ASAH2: variants seen among roughly 807,000 people sequenced by gnomAD.
ASAH2 encodes neutral ceramidase.
In ASAH2, 58 loss-of-function variants were observed where a neutral mutation model predicts 82.9. The ratio of observed to expected loss-of-function variants is 0.70; its 90% CI spans 0.57 to 0.87. The LOEUF (loss-of-function observed/expected upper bound fraction) is 0.87. ASAH2 is among the 40% of genes least tolerant of loss of function. The pLI, the probability that ASAH2 is intolerant of heterozygous loss-of-function variation, is 0.00. For missense variants in ASAH2, 779 were observed against 834.0 expected, an observed-to-expected ratio of 0.93 and a Z score of 0.81; for synonymous variants, 276 against 289.7, an observed-to-expected ratio of 0.95 and a Z score of 0.48.
chr10:50,201,867 T>C (rs1265348197), intron 16 of ASAH2, among the ~76,000 whole-genome samples: 1 of 152,120 alleles, frequency 6.6e-6, no homozygotes, highest in Non-Finnish European at 1.5e-5. Context: ...ATTGTGATTA[T>C]AAAATAGCAA....
chr10:50,206,871 A>G (rs1845313142), intron 12 of ASAH2, among the ~76,000 whole-genome samples: 2 of 151,904 alleles, frequency 1.3e-5, no homozygotes, highest in African/African-American at 4.8e-5. Flanking sequence ...ACCCAACAAT[A>G]ACAGAATATA....
intron 8 of ASAH2, among the ~76,000 whole-genome samples, chr10:50,216,207 A>T (rs1473355280): frequency 1.3e-5 from 2 of 152,060 alleles, no homozygotes; most frequent in Non-Finnish European, 2.9e-5. Context: ...CCTAAGGTAG[A>T]TGATGGGTTG....
chr10:50,250,022 T>C (rs947151877), intron 1 of ASAH2, among the ~76,000 whole-genome samples: 3 of 152,178 alleles, frequency 2.0e-5, no homozygotes, highest in African/African-American at 7.2e-5. Context: ...TATAAAAAAA[T>C]AGCATTCAGA....
At position 50,236,063 on chromosome 10, in the gene ASAH2, A is replaced by T. The variant is rs2133226460; in HGVS notation, c.512T>A (p.Val171Asp). Residue 171 changes from valine (V) to aspartate (D), a missense_variant and splice_region_variant, in exon 5 of 21, where the codon GTC (valine) becomes GAC (aspartate). By Grantham distance (152) the Val-to-Asp change is radical (BLOSUM62 -3). Transcript: ENST00000682911. ...GMVSQRLRLE[V>D]LNRLQSKYGS... ...ATATTTACTCTGCAGTCTGTTCAGG[A>T]CCTTCAAGAAAAAAAGTAATTGAAC... 1 of 1,612,962 alleles carries T rather than the reference A, an allele frequency of 6.2e-7. No individual in the cohort carries two copies. Among genetic ancestry groups the T allele is most frequent in the African/African-American group, 1.3e-5 (1 of 74,976 alleles).
intron 12 of ASAH2, among the ~76,000 whole-genome samples, chr10:50,206,614 A>G (rs1845305959): frequency 6.6e-6 from 1 of 151,436 alleles, no homozygotes; most frequent in Admixed American, 6.6e-5. Flanking sequence ...TCATATGCAT[A>G]ATCTGGGGTA....
At chr10:50,220,916 C>T (rs969753856) in intron 7 of ASAH2, among the ~76,000 whole-genome samples, 2 of 145,598 alleles carry the variant, frequency 1.4e-5, no homozygotes, top group Non-Finnish European at 3.0e-5. Flanking sequence ...TGAATCTGGG[C>T]AATAAGTTAT....
intron 20 of ASAH2, among the ~76,000 whole-genome samples, chr10:50,189,171 T>G (rs1844830780): frequency 6.8e-6 from 1 of 146,144 alleles, no homozygotes; most frequent in Non-Finnish European, 1.5e-5. Context: ...TACTCTATAC[T>G]CCTTTCAACC....
chr10:50,217,359 C>T (rs1287737251), intron 8 of ASAH2, among the ~76,000 whole-genome samples: 1 of 151,818 alleles, frequency 6.6e-6, no homozygotes, highest in Non-Finnish European at 1.5e-5. Flanking sequence ...TCCCAAGTAG[C>T]TGGGACTATA....
intron 4 of ASAH2, among the ~76,000 whole-genome samples, chr10:50,237,563 G>T (rs938733851): frequency 6.6e-6 from 1 of 152,150 alleles, no homozygotes; most frequent in East Asian, 1.9e-4. Flanking sequence ...ATTTTTAGGC[G>T]ATTTGTTGTA....
chr10:50,210,865 C>T lies in ASAH2; in HGVS notation c.1372G>A (p.Ala458Thr). 6.2e-7 allele frequency: 1 copy of T among 1,613,646 alleles called. No homozygotes were observed. Among genetic ancestry groups the T allele is most frequent in the South Asian group, 1.1e-5 (1 of 91,068 alleles). ...CKPALGYSFA[A>T]GTIDGVGGLN... Reference sequence around the variant, plus strand: ...CCTCCAACTCCATCAATAGTGCCAGCTGCAAAACTGTAGCCCAATGCTGGT... The same window carrying T: ...CCTCCAACTCCATCAATAGTGCCAGTTGCAAAACTGTAGCCCAATGCTGGT... Residue 458 changes from alanine (A) to threonine (T), a missense_variant, in exon 12 of 21, where the codon GCT becomes ACT. Coordinates refer to ENST00000682911, the MANE Select transcript of ASAH2 (RefSeq NM_019893.4).
At chr10:50,240,479 T>C in intron 4 of ASAH2, 1 of 702,196 alleles carries the variant, frequency 1.4e-6, no homozygotes. Flanking sequence ...CATCCCTACC[T>C]GCTTAATCAT....
In ASAH2 at chr10:50,216,997, T is replaced by C. The variant is rs1374098879; in HGVS notation, c.1014+1513A>G. ...CCAAAACTCATGTTGAAATTTGATC[T>C]CCATTGTGGCATTGCTGAGAGCTGT... On this transcript the variant is annotated intron_variant, in intron 8 of 20. Coordinates refer to ENST00000682911, the MANE Select transcript of ASAH2 (RefSeq NM_019893.4). 2.0e-5 allele frequency among the ~76,000 whole-genome samples: 3 copies of C among 152,156 alleles called. No homozygotes were observed. In the East Asian group the frequency reaches 5.8e-4, roughly 29 times the overall value.
At chr10:50,214,413 C>G (rs1274195158) in intron 9 of ASAH2, among the ~76,000 whole-genome samples, 5 of 152,116 alleles carry the variant, frequency 3.3e-5, no homozygotes, top group Non-Finnish European at 5.9e-5. Context: ...CTCAGGCAGG[C>G]AATTTTTACT....
intron 7 of ASAH2, among the ~76,000 whole-genome samples, chr10:50,232,604 T>C (rs954262556): frequency 1.5e-4 from 23 of 152,128 alleles, no homozygotes; most frequent in Non-Finnish European, 5.9e-5. Flanking sequence ...ACAAAATCCA[T>C]GTGTTTTCCT....
intron 7 of ASAH2, among the ~76,000 whole-genome samples, chr10:50,219,746 A>G (rs1470987644): frequency 6.6e-6 from 1 of 152,242 alleles, no homozygotes. Flanking sequence ...CTTATTGCCT[A>G]TCAGAAGCAG....
At chr10:50,197,329 A>G (rs1416137746) in intron 17 of ASAH2, among the ~76,000 whole-genome samples, 1 of 151,540 alleles carries the variant, frequency 6.6e-6, no homozygotes, top group African/African-American at 2.4e-5. Context: ...AGTGAGTACC[A>G]AGTTTTTTCC....
chr10:50,249,603 C>T (rs985216095), intron 1 of ASAH2, among the ~76,000 whole-genome samples: 2 of 152,180 alleles, frequency 1.3e-5, no homozygotes, highest in African/African-American at 2.4e-5. Context: ...TGATTATGAT[C>T]ATCTTATCTC....
At chr10:50,241,570 C>T (rs536461135) in intron 4 of ASAH2, among the ~76,000 whole-genome samples, 176 of 152,256 alleles carry the variant, frequency 1.2e-3, no homozygotes, top group Non-Finnish European at 2.0e-3. Flanking sequence ...AATGTATCTG[C>T]TATAAAGACA....
chr10:50,243,206 A>T lies in ASAH2; in HGVS notation c.506T>A (p.Leu169Gln). 1 of 1,614,024 alleles carries T rather than the reference A, an allele frequency of 6.2e-7. No individual in the cohort carries two copies. The highest frequency in any genetic ancestry group is 1.1e-5 in the South Asian group (1 of 91,046). The change falls in exon 4 of 21, where the codon CTG becomes CAG. Residue 169 changes from leucine to glutamine, a missense_variant. This residue lies in a region of ASAH2 where 759 missense variants were observed against 755.2 expected (regional missense o/e 1.00). Coordinates refer to ENST00000682911, the MANE Select transcript of ASAH2 (RefSeq NM_019893.4). ...TTCTCCTCTCAAATCACTTACCTCC[A>T]GCCTGAGCCTTTGTGATACCATGCC... ...DIGMVSQRLR[L>Q]EVLNRLQSKY...
Sources: gnomAD v4.1 joint callset for allele counts (sites outside exome capture counted in the v4.1 genomes callset) on GRCh38, gnomAD v4.1.1 for gene constraint, gnomAD v4.1.1 regional missense constraint, MANE v1.5 for transcripts, NCBI Gene and HGNC (gene_info 2026-07-23, HGNC 2026-07-21) for gene names.